The following EPHA7 variants were observed in gnomAD, a reference collection of about 807,000 sequenced individuals.
EPHA7 encodes EPH receptor A7, also known as ephrin type-A receptor 7.
EPHA7 carries 25 observed loss-of-function variants against 112.6 expected under a neutral mutation model. The ratio of observed to expected loss-of-function variants is 0.22; its 90% CI spans 0.16 to 0.31. The LOEUF (loss-of-function observed/expected upper bound fraction) is 0.31, where lower values mean the gene tolerates loss of function less well. Among genes scored for constraint, EPHA7 ranks in the 10% least tolerant of loss-of-function variants. The pLI, the probability that EPHA7 is intolerant of heterozygous loss-of-function variation, is 1.00. For synonymous variants in EPHA7, 437 were observed against 406.5 expected, an observed-to-expected ratio of 1.07 and a Z score of -0.90; for missense variants, 962 against 1,212.6, an observed-to-expected ratio of 0.79 and a Z score of 3.07.
At chr6:93,390,119 A>C (rs769352242) in intron 3 of EPHA7, among the ~76,000 whole-genome samples, 22 of 151,964 alleles carry the variant, frequency 1.4e-4, no homozygotes, top group Non-Finnish European at 2.8e-4. Context: ...CACATCAACT[A>C]TATTGTATCC....
chr6:93,287,665 T>G (rs529380922), intron 5 of EPHA7, among the ~76,000 whole-genome samples: 2 of 152,138 alleles, frequency 1.3e-5, no homozygotes, highest in Admixed American at 1.3e-4. Flanking sequence ...TAGTTATTTT[T>G]CCTGATCCTC....
intron 14 of EPHA7, among the ~76,000 whole-genome samples, chr6:93,253,162 C>T (rs369645713): frequency 6.6e-5 from 10 of 151,958 alleles, no homozygotes; most frequent in African/African-American, 2.4e-4. Context: ...TTTCTCTGCC[C>T]TAAGGATTTG....
rs75014625 is a variant in EPHA7, at chr6:93,401,458, C to T, written c.832+9043G>A. Among the ~76,000 whole-genome samples the T allele has an allele frequency of 9.6e-3, 1,452 of 152,014 alleles. 11 individuals carry two copies. The highest frequency in any genetic ancestry group is 0.011 in the Non-Finnish European group (761 of 67,952). ...TGGCTTCCTGAGAAATGCTATCATTCGAGATTAATATTGTAACATATACCT... is the reference window on the plus strand; with the variant it reads ...TGGCTTCCTGAGAAATGCTATCATTTGAGATTAATATTGTAACATATACCT... On this transcript the variant is annotated intron_variant, in intron 3 of 16. Coordinates refer to ENST00000369303, the MANE Select transcript of EPHA7 (RefSeq NM_004440.4).
intron 5 of EPHA7, among the ~76,000 whole-genome samples, chr6:93,330,395 C>G (rs1211205963): frequency 6.6e-6 from 1 of 151,294 alleles, no homozygotes; most frequent in African/African-American, 2.4e-5. Flanking sequence ...TAGCTTATTT[C>G]TCTTATATAG....
chr6:93,315,116 C>CAAA (rs1773744055), intron 5 of EPHA7, among the ~76,000 whole-genome samples: 1 of 150,246 alleles, frequency 6.7e-6, no homozygotes, highest in African/African-American at 2.5e-5. Context: ...CCCGCCTCGG[C>CAAA]CTCCCAAAGT....
At chr6:93,414,809 T>G in intron 1 of EPHA7, 42 bp from the exon 2 acceptor site, 1 of 1,505,476 alleles carries the variant, frequency 6.6e-7, no homozygotes, top group Non-Finnish European at 9.2e-7. Flanking sequence ...CATGAAACAC[T>G]TACGCACACA....
At chr6:93,374,815 G>A (rs764503939) in intron 3 of EPHA7, among the ~76,000 whole-genome samples, 97 of 152,288 alleles carry the variant, frequency 6.4e-4, no homozygotes, top group Non-Finnish European at 1.1e-3. Context: ...GGATCACTAT[G>A]AGGATTAAAT....
intron 5 of EPHA7, among the ~76,000 whole-genome samples, chr6:93,277,337 C>G (rs986978005): frequency 2.0e-5 from 3 of 151,942 alleles, no homozygotes; most frequent in Non-Finnish European, 4.4e-5. Context: ...ACATGCAGTG[C>G]AGTGTATCAT....
chr6:93,327,963 C>G (rs910428865), intron 5 of EPHA7, among the ~76,000 whole-genome samples: 1 of 151,492 alleles, frequency 6.6e-6, no homozygotes, highest in Non-Finnish European at 1.5e-5. Flanking sequence ...AGGTCTAACA[C>G]AGTGTGTCCT....
chr6:93,255,404 T>A (rs1471930759), intron 13 of EPHA7, among the ~76,000 whole-genome samples: 1 of 152,136 alleles, frequency 6.6e-6, no homozygotes, highest in Non-Finnish European at 1.5e-5. Context: ...AAAGTTACTA[T>A]GAAAATGAAA....
chr6:93,317,048 A>G (rs1194431416), intron 5 of EPHA7, among the ~76,000 whole-genome samples: 1 of 152,184 alleles, frequency 6.6e-6, no homozygotes, highest in Non-Finnish European at 1.5e-5. Flanking sequence ...TCCTAAACAT[A>G]TAATAACATG....
chr6:93,405,082 G>C (rs1245894322), intron 3 of EPHA7, among the ~76,000 whole-genome samples: 1 of 151,738 alleles, frequency 6.6e-6, no homozygotes, highest in Non-Finnish European at 1.5e-5. Flanking sequence ...AAGATGTTTT[G>C]AATTATAGAC....
In EPHA7 at chr6:93,241,862, G is replaced by A. The variant is rs1769704175; in HGVS notation, c.*1564C>T. On this transcript the variant is annotated 3_prime_UTR_variant, in exon 17 of 17. Transcript: ENST00000369303. The stretch of plus-strand genomic sequence containing the variant: ...AATAAAATTTACAAGTTTTACAAAG[G>A]AACATTTACAGATTTTGTTTCTGTT... 1 of 218,092 alleles carries A rather than the reference G, an allele frequency of 4.6e-6. No individual in the cohort carries two copies. Among genetic ancestry groups the A allele is most frequent in the South Asian group, 1.9e-4 (1 of 5,380 alleles). The allele number at this position is 218,092 out of a possible 1,614,324, so 13.5% of individuals were successfully genotyped here.
At chr6:93,345,892 T>C (rs1425283790) in intron 5 of EPHA7, among the ~76,000 whole-genome samples, 3 of 151,638 alleles carry the variant, frequency 2.0e-5, no homozygotes, top group Non-Finnish European at 4.4e-5. Context: ...AGATTGCTTG[T>C]CTGGATCAAA....
chr6:93,308,042 C>G (rs1773345912), intron 5 of EPHA7, among the ~76,000 whole-genome samples: 1 of 152,028 alleles, frequency 6.6e-6, no homozygotes, highest in African/African-American at 2.4e-5. Context: ...AGGGTGTAGG[C>G]TGGGAGAAAT....
chr6:93,298,117 G>T (rs1367430413), intron 5 of EPHA7, among the ~76,000 whole-genome samples: 4 of 151,972 alleles, frequency 2.6e-5, no homozygotes, highest in Non-Finnish European at 2.9e-5. Flanking sequence ...AATTAAATAA[G>T]ACCAGAAAGT....
chr6:93,379,503 G>T (rs757107819), intron 3 of EPHA7, among the ~76,000 whole-genome samples: 1 of 151,852 alleles, frequency 6.6e-6, no homozygotes, highest in Non-Finnish European at 1.5e-5. Flanking sequence ...CTTGGGATAC[G>T]ATATGTAACA....
At chr6:93,358,117 C>G (rs1200049193) in intron 4 of EPHA7, 139 bp downstream of exon 4, 1 of 605,354 alleles carries the variant, frequency 1.7e-6, no homozygotes, top group Non-Finnish European at 2.3e-6. Flanking sequence ...AAAATTTTAT[C>G]TTAATATTTT....
At chr6:93,302,182 T>A (rs893156486) in intron 5 of EPHA7, among the ~76,000 whole-genome samples, 3 of 152,176 alleles carry the variant, frequency 2.0e-5, no homozygotes, top group Non-Finnish European at 4.4e-5. Flanking sequence ...GTCAACTGAT[T>A]ATGTGACTTC....
Sources: allele counts gnomAD v4.1 joint callset (sites outside exome capture counted in the v4.1 genomes callset), GRCh38; gene constraint gnomAD v4.1.1; transcripts MANE v1.5; gene names NCBI Gene and HGNC (gene_info 2026-07-23, HGNC 2026-07-21).